FSTL5: variants seen among roughly 807,000 people sequenced by gnomAD.
The protein encoded by FSTL5 is follistatin-related protein 5.
A neutral mutation model predicts 89.1 loss-of-function variants in FSTL5; 62 were observed. That is an observed-to-expected ratio of 0.70 (90% confidence interval 0.57 to 0.86). The LOEUF (loss-of-function observed/expected upper bound fraction) is 0.86, where lower values mean the gene tolerates loss of function less well. Ranked by LOEUF, FSTL5 falls within the 40% of genes least tolerant of loss-of-function variation. FSTL5 has a pLI of 0.00. For synonymous variants in FSTL5, 383 were observed against 346.2 expected, an observed-to-expected ratio of 1.11 and a Z score of -1.18; for missense variants, 1,057 against 1,001.6, an observed-to-expected ratio of 1.06 and a Z score of -0.75.
rs187178056 is a variant in FSTL5 at position 161,713,346 on chromosome 4, A to G, written c.727+46065T>C. Among the ~76,000 whole-genome samples, 271 of 152,316 alleles carry G rather than the reference A, an allele frequency of 1.8e-3. 4 individuals carry two copies. Among genetic ancestry groups the G allele is most frequent in the Admixed American group, 0.017 (267 of 15,304 alleles). ...TGTCTAGAAGAGTGTTTCCCAGTCC[A>G]TGCTCACTGGAGACAGCTGTAAGTT... On this transcript the variant is annotated intron_variant, in intron 6 of 15. Transcript: ENST00000306100.
At chr4:161,730,902 T>A (rs1398166307) in intron 6 of FSTL5, among the ~76,000 whole-genome samples, 1 of 152,186 alleles carries the variant, frequency 6.6e-6, no homozygotes, top group Non-Finnish European at 1.5e-5. Flanking sequence ...GAGTGTAAAT[T>A]GAGAATTAAT....
chr4:161,891,042 A>C (rs1327612263), intron 4 of FSTL5, among the ~76,000 whole-genome samples: 1 of 150,852 alleles, frequency 6.6e-6, no homozygotes, highest in Non-Finnish European at 1.5e-5. Context: ...TCAGTCAAAA[A>C]TTCTATAGTT....
At chr4:161,725,944 A>G (rs910565248) in intron 6 of FSTL5, among the ~76,000 whole-genome samples, 2 of 152,220 alleles carry the variant, frequency 1.3e-5, no homozygotes, top group African/African-American at 4.8e-5. Flanking sequence ...TTTAATGCCA[A>G]AAACCACAGT....
intron 2 of FSTL5, among the ~76,000 whole-genome samples, chr4:162,056,759 G>C (rs1361706966): frequency 6.6e-6 from 1 of 151,956 alleles, no homozygotes; most frequent in Non-Finnish European, 1.5e-5. Context: ...ACTGGGGAGA[G>C]GTAGAGACTT....
At chr4:162,045,579 G>T (rs1228513990) in intron 2 of FSTL5, among the ~76,000 whole-genome samples, 1 of 151,856 alleles carries the variant, frequency 6.6e-6, no homozygotes, top group African/African-American at 2.4e-5. Flanking sequence ...TAATGAAAAA[G>T]TTCAAAATAT....
chr4:161,960,900 G>A (rs1037823190), intron 3 of FSTL5, among the ~76,000 whole-genome samples: 1 of 151,886 alleles, frequency 6.6e-6, no homozygotes, highest in South Asian at 2.1e-4. Context: ...GAGCCATAAC[G>A]AAAATAAATC....
intron 1 of FSTL5, among the ~76,000 whole-genome samples, chr4:162,131,377 GT>G (rs1732296335): frequency 6.6e-6 from 1 of 152,154 alleles, no homozygotes; most frequent in African/African-American, 2.4e-5. Flanking sequence ...ACTATGGATT[GT>G]GGGTATAAAA....
intron 12 of FSTL5, among the ~76,000 whole-genome samples, chr4:161,490,429 AC>A (rs1729826637): frequency 6.6e-6 from 1 of 152,150 alleles, no homozygotes; most frequent in East Asian, 1.9e-4. Flanking sequence ...TGATTATCTC[AC>A]TCTGCCTACT....
At chr4:161,920,260 C>T in intron 4 of FSTL5, 144 bp downstream of exon 4, 1 of 722,092 alleles carries the variant, frequency 1.4e-6, no homozygotes, top group Non-Finnish European at 2.2e-6. Context: ...CCACACACTG[C>T]TACTTAGTGG....
At chr4:161,901,456 G>T (rs909063341) in intron 4 of FSTL5, among the ~76,000 whole-genome samples, 2 of 152,130 alleles carry the variant, frequency 1.3e-5, no homozygotes, top group Non-Finnish European at 2.9e-5. Flanking sequence ...AGTGATGCAA[G>T]ATACAGATTT....
chr4:162,130,101 G>T (rs1049962438), intron 1 of FSTL5, among the ~76,000 whole-genome samples: 22 of 152,160 alleles, frequency 1.4e-4, no homozygotes, highest in African/African-American at 5.1e-4. Flanking sequence ...CGAAGTGGAG[G>T]TCTTGTAAAA....
intron 2 of FSTL5, among the ~76,000 whole-genome samples, chr4:162,064,209 A>T (rs1391755273): frequency 6.6e-6 from 1 of 152,006 alleles, no homozygotes; most frequent in African/African-American, 2.4e-5. Context: ...TAGTGTTAAT[A>T]TTTACGGATA....
chr4:161,574,325 T>C (rs887159929), intron 8 of FSTL5, among the ~76,000 whole-genome samples: 16 of 151,530 alleles, frequency 1.1e-4, no homozygotes, highest in African/African-American at 3.9e-4. Flanking sequence ...AACATGACTT[T>C]CCTTTTTCTT....
intron 2 of FSTL5, among the ~76,000 whole-genome samples, chr4:162,084,341 GA>G (rs1002745407): frequency 1.2e-4 from 18 of 151,578 alleles, no homozygotes; most frequent in Non-Finnish European, 2.7e-4. Context: ...TTAAAAGGTT[GA>G]AAAAAATCAC....
intron 3 of FSTL5, among the ~76,000 whole-genome samples, chr4:161,973,724 A>T (rs1438955026): frequency 1.3e-5 from 2 of 152,150 alleles, no homozygotes. Flanking sequence ...ATGACAAGAG[A>T]GTGGAAAAAT....
intron 3 of FSTL5, among the ~76,000 whole-genome samples, chr4:161,992,862 ATATATATATATATAT>A (rs1175002648): frequency 0.047 from 1,788 of 38,332 alleles, 143 homozygotes; most frequent in Non-Finnish European, 0.064. Context: ...AAAAAAAAAA[ATATATATATATATAT>A]ATATATATAT....
chr4:161,718,664 G>A (rs1259479278), intron 6 of FSTL5, among the ~76,000 whole-genome samples: 5 of 152,130 alleles, frequency 3.3e-5, no homozygotes, highest in South Asian at 4.2e-4. Context: ...TCCTGACCTC[G>A]TGGCCCACCC....
intron 2 of FSTL5, among the ~76,000 whole-genome samples, chr4:162,070,801 A>C (rs974690606): frequency 6.6e-5 from 10 of 151,828 alleles, no homozygotes; most frequent in African/African-American, 2.4e-4. Context: ...TTCTATACCC[A>C]TCAAGGCTAT....
intron 15 of FSTL5, among the ~76,000 whole-genome samples, chr4:161,423,377 C>G (rs985943961): frequency 1.3e-5 from 2 of 150,350 alleles, no homozygotes; most frequent in African/African-American, 4.8e-5. Flanking sequence ...TCAAAAGTAA[C>G]AACTGACTGA....
Sources: allele counts gnomAD v4.1 joint callset (sites outside exome capture counted in the v4.1 genomes callset), GRCh38; gene constraint gnomAD v4.1.1; transcripts MANE v1.5; gene names NCBI Gene and HGNC (gene_info 2026-07-23, HGNC 2026-07-21).